The following PCDHGA4 variants were observed in gnomAD, a reference collection of about 807,000 sequenced individuals.
The protein encoded by PCDHGA4 is protocadherin gamma subfamily A, 4, also known as protocadherin gamma-A4.
PCDHGA4 carries 38 observed loss-of-function variants against 54.6 expected under a neutral mutation model. The observed-to-expected ratio is 0.70, with a 90% confidence interval of 0.54 to 0.91. The LOEUF (loss-of-function observed/expected upper bound fraction) is 0.91, where lower values mean the gene tolerates loss of function less well. Ranked by LOEUF, PCDHGA4 falls within the 40% of genes least tolerant of loss-of-function variation. The pLI is 0.00. For missense variants in PCDHGA4, 1,298 were observed against 1,220.9 expected (o/e 1.06, Z -0.94); for synonymous variants, 511 against 512.9 (o/e 1.00, Z 0.05).
Position 141,489,978 on chromosome 5 carries a change from T to C in PCDHGA4, c.2515-4829T>C. 6.2e-7 allele frequency: 1 copy of C among 1,614,192 alleles called. No homozygotes were observed. Among genetic ancestry groups the C allele is most frequent in the Non-Finnish European group, 8.5e-7 (1 of 1,180,012 alleles). On this transcript the variant is annotated intron_variant, in intron 1 of 3. Coordinates refer to ENST00000571252, the MANE Select transcript of PCDHGA4 (RefSeq NM_018917.4). The surrounding 1 kb of genome is among the most constrained non-coding windows in gnomAD (Gnocchi z 4.5). ...ATGCTCCAACCTTCCAATCCTCAGT[T>C]CTACGTGTGGGAATCCCAGAGAATG...
intron 3 of PCDHGA4, 110 bp downstream of exon 3, chr5:141,505,591 G>A (rs2099846959): frequency 6.4e-7 from 1 of 1,570,162 alleles, no homozygotes; most frequent in Non-Finnish European, 8.7e-7. Context: ...AGTTTCTCCA[G>A]ATCTTTCGGC....
intron 1 of PCDHGA4, chr5:141,415,463 T>G: frequency 6.2e-7 from 1 of 1,614,228 alleles, no homozygotes; most frequent in South Asian, 1.1e-5. Flanking sequence ...GAGGTCTCTC[T>G]CACCGCGGAC....
chr5:141,383,611 C>A lies in PCDHGA4; in HGVS notation c.2514+25990C>A, dbSNP rs757490099. ...GGTGACAGTGGTGGATGTGAATGAC[C>A]ACACGCCTGTCTTCTCTCTGCCTCA... On this transcript the variant is annotated intron_variant, in intron 1 of 3. Coordinates refer to ENST00000571252, the MANE Select transcript of PCDHGA4 (RefSeq NM_018917.4). 8 of 1,613,656 alleles carry A rather than the reference C, an allele frequency of 5.0e-6. No individual in the cohort carries two copies. The Admixed American group carries it at 1.3e-4, about 27-fold the overall frequency.
intron 1 of PCDHGA4, chr5:141,395,325 G>T (rs1261775810): frequency 6.8e-7 from 1 of 1,473,892 alleles, no homozygotes; most frequent in Admixed American, 2.5e-5. Context: ...GAAGATAGTT[G>T]AAAATAATTT....
At chr5:141,399,947 C>G in intron 1 of PCDHGA4, 1 of 1,612,228 alleles carries the variant, frequency 6.2e-7, no homozygotes. Context: ...GTGCTGCAGG[C>G]TAGCGAGCCC....
chr5:141,505,343 G>C (rs2099845454), intron 2 of PCDHGA4, 50 bp from the exon 3 acceptor site: 1 of 1,612,934 alleles, frequency 6.2e-7, no homozygotes, highest in Non-Finnish European at 8.5e-7. Context: ...GGAGGGGCAT[G>C]AGCTGTGCCG....
chr5:141,485,601 G>T lies in PCDHGA4; in HGVS notation c.2515-9206G>T, dbSNP rs762783104. On this transcript the variant is annotated intron_variant, in intron 1 of 3. Transcript: ENST00000571252. The surrounding 1 kb of genome is among the most constrained non-coding windows in gnomAD (Gnocchi z 5.7). ...CGGCAGCAGCTGGACTTGGAAATTG[G>T]GGAGGCAGCTCCTCCAGGACAGCGT... The T allele has an allele frequency of 3.1e-6, 5 of 1,612,290 alleles. No individual in the cohort carries two copies. Among genetic ancestry groups the T allele is most frequent in the Non-Finnish European group, 4.2e-6 (5 of 1,178,722 alleles).
intron 1 of PCDHGA4, among the ~76,000 whole-genome samples, chr5:141,488,305 T>C (rs1452293355): frequency 6.6e-6 from 1 of 152,234 alleles, no homozygotes; most frequent in African/African-American, 2.4e-5. Context: ...AAATCACTTA[T>C]GTCAGAAAAC....
At chr5:141,367,010 A>G (rs917201512) in intron 1 of PCDHGA4, 9 of 419,880 alleles carry the variant, frequency 2.1e-5, no homozygotes, top group Admixed American at 8.4e-5. Flanking sequence ...TTTTACCCAA[A>G]TATTTTGTTA....
chr5:141,492,740 C>T (rs1364102818), intron 1 of PCDHGA4, among the ~76,000 whole-genome samples: 1 of 152,238 alleles, frequency 6.6e-6, no homozygotes, highest in African/African-American at 2.4e-5. Context: ...GCCCAGTGGC[C>T]GAGGCGCGGC....
chr5:141,399,576 C>G, intron 1 of PCDHGA4: 1 of 1,614,028 alleles, frequency 6.2e-7, no homozygotes, highest in South Asian at 1.1e-5. Flanking sequence ...ACGGCCAAGT[C>G]TCCTACTCTA....
chr5:141,371,514 C>A (rs781132718), intron 1 of PCDHGA4: 1 of 1,613,792 alleles, frequency 6.2e-7, no homozygotes, highest in South Asian at 1.1e-5. Context: ...AACACATGAT[C>A]TAGATTCTGG....
Position 141,356,142 on chromosome 5 carries a change from C to G in PCDHGA4, c.1035C>G (p.Phe345Leu). ...LGGLDYEDSGFYDIDVEAHDG... is the reference protein window; with the variant it reads ...LGGLDYEDSGLYDIDVEAHDG... ...GTCTAGATTATGAGGACTCTGGATTCTATGACATAGATGTAGAAGCCCATG... is the reference window on the plus strand; with the variant it reads ...GTCTAGATTATGAGGACTCTGGATTGTATGACATAGATGTAGAAGCCCATG... The change falls in exon 1 of 4, where the codon TTC (phenylalanine) becomes TTG (leucine). Residue 345 changes from phenylalanine to leucine, a missense_variant. By Grantham distance (22) the Phe-to-Leu change is conservative. Coordinates refer to ENST00000571252, the MANE Select transcript of PCDHGA4 (RefSeq NM_018917.4). 1 of 1,613,620 alleles carries G rather than the reference C, an allele frequency of 6.2e-7. No individual in the cohort carries two copies.
chr5:141,395,643 T>A (rs2150633577), intron 1 of PCDHGA4: 1 of 171,018 alleles, frequency 5.8e-6, no homozygotes, highest in East Asian at 1.7e-4. Flanking sequence ...GCCTTGTTAT[T>A]AGCTTAGCAA....
chr5:141,366,685 T>C (rs1764741162), intron 1 of PCDHGA4: 3 of 1,614,116 alleles, frequency 1.9e-6, no homozygotes, highest in African/African-American at 2.7e-5. Context: ...AAGAGAGCTG[T>C]GAGAAAAGCG....
intron 1 of PCDHGA4, chr5:141,383,623 T>C: frequency 6.2e-7 from 1 of 1,613,932 alleles, no homozygotes; most frequent in South Asian, 1.1e-5. Flanking sequence ...CACGCCTGTC[T>C]TCTCTCTGCC....
chr5:141,374,887 C>G lies in PCDHGA4; in HGVS notation c.2514+17266C>G, dbSNP rs1248527882. On this transcript the variant is annotated intron_variant, in intron 1 of 3. Coordinates refer to ENST00000571252, the MANE Select transcript of PCDHGA4 (RefSeq NM_018917.4). Reference sequence around the variant, plus strand: ...CAGTGTTGGCAGTGACTGCCACCGACCAGGATGAAGGAGTCCACGGGGAAG... The same window carrying G: ...CAGTGTTGGCAGTGACTGCCACCGAGCAGGATGAAGGAGTCCACGGGGAAG... The G allele has an allele frequency of 1.9e-6, 3 of 1,613,670 alleles. No individual in the cohort carries two copies. In the African/African-American group the frequency reaches 4.0e-5, roughly 22 times the overall value.
intron 1 of PCDHGA4, chr5:141,373,929 A>G: frequency 1.5e-6 from 1 of 673,706 alleles, no homozygotes; most frequent in Non-Finnish European, 2.3e-6. Context: ...TTAGACGGGA[A>G]AGCAGGAAAG....
rs768383792 is a variant in PCDHGA4 at position 141,476,155 on chromosome 5, C to A, written c.2515-18652C>A. 1.2e-6 allele frequency: 2 copies of A among 1,612,382 alleles called. No homozygotes were observed. Among genetic ancestry groups the A allele is most frequent in the Non-Finnish European group, 1.7e-6 (2 of 1,179,764 alleles). On this transcript the variant is annotated intron_variant, in intron 1 of 3. Coordinates refer to ENST00000571252, the MANE Select transcript of PCDHGA4 (RefSeq NM_018917.4). This position sits in a 1 kb window ranked among gnomAD's most constrained non-coding sequence, Gnocchi z 7.6. ...CCTGGAGGAGCGGACTGGTAAGCAC[C>A]GGGAGGGTAGTGGGAGTTTTGCTTC... is the stretch of plus-strand genomic sequence containing the variant.
Sources: allele counts gnomAD v4.1 joint callset (sites outside exome capture counted in the v4.1 genomes callset), GRCh38; gene constraint gnomAD v4.1.1; non-coding constraint Gnocchi (gnomAD v3.1); transcripts MANE v1.5; gene names NCBI Gene and HGNC (gene_info 2026-07-23, HGNC 2026-07-21).